The following FYB1 variants were observed in gnomAD, a reference collection of about 807,000 sequenced individuals.
FYB1 encodes FYN-binding protein 1.
A neutral mutation model predicts 94.1 loss-of-function variants in FYB1; 41 were observed. That is an observed-to-expected ratio of 0.44 (90% CI 0.34 to 0.57). The LOEUF (loss-of-function observed/expected upper bound fraction) is 0.57, where lower values mean the gene tolerates loss of function less well. Among genes scored for constraint, FYB1 ranks in the 20% least tolerant of loss-of-function variants. The pLI is 0.02. For synonymous variants in FYB1, 367 were observed against 353.2 expected (o/e 1.04, Z -0.44); for missense variants, 1,050 against 976.8 (o/e 1.07, Z -1.00).
At chr5:39,211,023 C>G (rs139629794) in intron 1 of FYB1, 2 of 152,134 alleles carry the variant, frequency 1.3e-5, no homozygotes, top group African/African-American at 4.8e-5. Flanking sequence ...TTTTCTTATT[C>G]TATTTTACAA....
chr5:39,141,542 C>A (rs575454758), intron 3 of FYB1, among the ~76,000 whole-genome samples: 1 of 152,160 alleles, frequency 6.6e-6, no homozygotes, highest in African/African-American at 2.4e-5. Flanking sequence ...GTAATCCCAG[C>A]ACTTTGGGAA....
At chr5:39,209,437 G>A (rs372285150) in intron 1 of FYB1, among the ~76,000 whole-genome samples, 5 of 150,932 alleles carry the variant, frequency 3.3e-5, no homozygotes, top group East Asian at 2.0e-4. Flanking sequence ...AGCGATTCTC[G>A]TGCCTCAGCC....
At chr5:39,115,452 A>C (rs1212316244) in intron 16 of FYB1, among the ~76,000 whole-genome samples, 1 of 152,174 alleles carries the variant, frequency 6.6e-6, no homozygotes, top group African/African-American at 2.4e-5. Context: ...CTGGAGTGTC[A>C]GTTGTAGATG....
At chr5:39,117,065 G>C (rs1436717195) in intron 16 of FYB1, among the ~76,000 whole-genome samples, 1 of 151,974 alleles carries the variant, frequency 6.6e-6, no homozygotes, top group Non-Finnish European at 1.5e-5. Flanking sequence ...ACAACTACTA[G>C]GACAATTCTC....
At position 39,240,798 on chromosome 5, in the gene FYB1, G is replaced by A. The variant is rs192151042; in HGVS notation, c.-28+33605C>T. Reference sequence around the variant, plus strand: ...AGAACTTAAAACAGAAGTATCATTCGATTCAGCAATTCCATTATTGGGTAT... The same window carrying A: ...AGAACTTAAAACAGAAGTATCATTCAATTCAGCAATTCCATTATTGGGTAT... On this transcript the variant is annotated intron_variant, in intron 1 of 1. Transcript: ENST00000510188. Among the ~76,000 whole-genome samples the A allele has an allele frequency of 2.1e-3, 325 of 152,254 alleles. 3 individuals carry two copies. The highest frequency in any genetic ancestry group is 0.017 in the South Asian group (83 of 4,818).
chr5:39,161,202 C>T (rs964291357), intron 2 of FYB1, among the ~76,000 whole-genome samples: 5 of 152,180 alleles, frequency 3.3e-5, no homozygotes, highest in Non-Finnish European at 5.9e-5. Context: ...TCTCCACTGT[C>T]AACACCTGCG....
rs1161829689 is a variant in FYB1, at chr5:39,106,581, A to T, written c.*862T>A. On this transcript the variant is annotated 3_prime_UTR_variant, in exon 19 of 19. Transcript: ENST00000512982. ...AGCGGTAATTGAAACAAAAACAAAA[A>T]CTTTAAAAAGTGTCTTCATTATAAA... is the stretch of plus-strand genomic sequence containing the variant. 1.3e-5 allele frequency: 2 copies of T among 152,124 alleles called. No homozygotes were observed. The highest frequency in any genetic ancestry group is 2.9e-5 in the Non-Finnish European group (2 of 68,004). The allele number at this position is 152,124 out of a possible 1,614,324, so 9.4% of individuals were successfully genotyped here. A position where few individuals can be genotyped will look rare whatever the true frequency, so the allele number is the denominator to read the frequency against.
chr5:39,227,572 G>C (rs1352803402), intron 1 of FYB1, among the ~76,000 whole-genome samples: 1 of 152,210 alleles, frequency 6.6e-6, no homozygotes, highest in Non-Finnish European at 1.5e-5. Flanking sequence ...CTTTTCTGTA[G>C]ATTTTAATTT....
At chr5:39,113,580 A>C (rs1739265198) in intron 16 of FYB1, among the ~76,000 whole-genome samples, 1 of 152,150 alleles carries the variant, frequency 6.6e-6, no homozygotes, top group Non-Finnish European at 1.5e-5. Flanking sequence ...CACCTTTTAG[A>C]AGGGTATTGT....
chr5:39,237,164 G>GA (rs1320565084), intron 1 of FYB1, among the ~76,000 whole-genome samples: 5 of 151,990 alleles, frequency 3.3e-5, no homozygotes, highest in African/African-American at 1.2e-4. Context: ...TTGGTAACTG[G>GA]AAAAAATTGT....
intron 1 of FYB1, among the ~76,000 whole-genome samples, chr5:39,242,509 T>C (rs1048779759): frequency 6.6e-6 from 1 of 152,196 alleles, no homozygotes; most frequent in African/African-American, 2.4e-5. Flanking sequence ...ATGGTGTATA[T>C]GTGCCACATT....
At chr5:39,250,130 A>G (rs946690649) in intron 1 of FYB1, among the ~76,000 whole-genome samples, 5 of 152,128 alleles carry the variant, frequency 3.3e-5, no homozygotes, top group Non-Finnish European at 7.4e-5. Flanking sequence ...CTCTCCAGCC[A>G]TGTGGAACTG....
intron 1 of FYB1, among the ~76,000 whole-genome samples, chr5:39,265,527 G>A (rs1467008790): frequency 6.6e-6 from 1 of 151,534 alleles, no homozygotes; most frequent in African/African-American, 2.4e-5. Context: ...GATGGTGGTG[G>A]GCACCTGTAA....
chr5:39,211,275 C>T (rs1480370381), intron 1 of FYB1, among the ~76,000 whole-genome samples: 2 of 151,742 alleles, frequency 1.3e-5, no homozygotes, highest in Non-Finnish European at 2.9e-5. Flanking sequence ...CCTCCAACCT[C>T]AAAGAGAGAC....
At chr5:39,272,150 G>A (rs1752684779) in intron 1 of FYB1, among the ~76,000 whole-genome samples, 1 of 152,052 alleles carries the variant, frequency 6.6e-6, no homozygotes, top group African/African-American at 2.4e-5. Flanking sequence ...TGAAAATCTG[G>A]GGTTGAAACT....
chr5:39,161,845 C>T (rs537273974), intron 2 of FYB1, among the ~76,000 whole-genome samples: 26 of 152,192 alleles, frequency 1.7e-4, no homozygotes, highest in Non-Finnish European at 3.7e-4. Flanking sequence ...CAGTCACTCC[C>T]CATCCCTATC....
Position 39,135,014 on chromosome 5 carries a change from GCTGC to G in FYB1, c.1516-4_1516-1del. Reference sequence around the variant, plus strand: ...TGGATGACTTGAATAGGGCCTGTTAGCTGCAAAGAGAAAAAAATAGTCACAAAAG... The same window carrying G: ...TGGATGACTTGAATAGGGCCTGTTAGAAAGAGAAAAAAATAGTCACAAAAG... On this transcript the variant is annotated splice_acceptor_variant and splice_polypyrimidine_tract_variant and intron_variant, in intron 7 of 18. Transcript: ENST00000512982. LOFTEE classifies it high-confidence loss of function. The G allele has an allele frequency of 1.9e-6, 3 of 1,609,110 alleles. No homozygotes were observed. Among genetic ancestry groups the G allele is most frequent in the Admixed American group, 1.7e-5 (1 of 58,916 alleles).
At chr5:39,221,207 C>A (rs1465800246), upstream of FYB1, among the ~76,000 whole-genome samples, 1 of 152,076 alleles carries the variant, frequency 6.6e-6, no homozygotes, top group African/African-American at 2.4e-5. Flanking sequence ...TCATGCTTTC[C>A]CCTCCCAGCT....
intron 9 of FYB1, among the ~76,000 whole-genome samples, chr5:39,130,913 A>G (rs1216281885): frequency 6.6e-6 from 1 of 152,178 alleles, no homozygotes; most frequent in African/African-American, 2.4e-5. Context: ...CAGATGATAC[A>G]TTATGACATC....
Sources: gnomAD v4.1 joint callset for allele counts (sites outside exome capture counted in the v4.1 genomes callset) on GRCh38, gnomAD v4.1.1 for gene constraint, MANE v1.5 for transcripts, NCBI Gene and HGNC (gene_info 2026-07-23, HGNC 2026-07-21) for gene names.